The following FRMPD1 variants were observed in gnomAD, a reference collection of about 807,000 sequenced individuals.
The protein encoded by FRMPD1 is FERM and PDZ domain containing 1.
Under a neutral mutation model 117.8 loss-of-function variants are expected in FRMPD1, and 76 were observed. The ratio of observed to expected loss-of-function variants is 0.65; its 90% confidence interval spans 0.54 to 0.78. The LOEUF is 0.78. FRMPD1 is among the 30% of genes least tolerant of loss of function. The pLI is 0.00. For missense variants in FRMPD1, 1,786 were observed against 1,964.5 expected, an observed-to-expected ratio of 0.91 and a Z score of 1.72; for synonymous variants, 783 against 770.4, an observed-to-expected ratio of 1.02 and a Z score of -0.27.
At chr9:37,670,257 G>A (rs1413606220) in intron 1 of FRMPD1, among the ~76,000 whole-genome samples, 3 of 152,106 alleles carry the variant, frequency 2.0e-5, no homozygotes, top group Non-Finnish European at 2.9e-5. Flanking sequence ...TGGGGGAGAC[G>A]TATTCGAGTT....
chr9:37,637,978 TTCTTTC>T, the FRMPD1 span, among the ~76,000 whole-genome samples: 1 of 115,020 alleles, frequency 8.7e-6, no homozygotes, highest in Non-Finnish European at 1.8e-5. Context: ...CTTTCTTTCT[TTCTTTC>T]TTTCTTTCTT....
At chr9:37,614,665 G>A in the FRMPD1 span, among the ~76,000 whole-genome samples, 113 of 152,294 alleles carry the variant, frequency 7.4e-4, no homozygotes, top group Middle Eastern at 3.4e-3. Context: ...AGGCTTACAA[G>A]GCTAATGTAC....
chr9:37,744,730 A>G lies in FRMPD1; in HGVS notation c.2698A>G (p.Lys900Glu), dbSNP rs143033968. 15 of 1,613,900 alleles carry G rather than the reference A, an allele frequency of 9.3e-6. No homozygotes were observed. The highest frequency in any genetic ancestry group is 1.3e-5 in the Non-Finnish European group (15 of 1,179,986). Residue 900 changes from lysine to glutamate, a missense_variant, in exon 16 of 16, where the codon AAG (lysine) becomes GAG (glutamate). By Grantham distance (56) the Lys-to-Glu change is moderately conservative (BLOSUM62 1). Coordinates refer to ENST00000377765, the MANE Select transcript of FRMPD1 (RefSeq NM_014907.3). ...GGGTGAGCCTGGCCTTCTGGAGACC[A>G]AGGCCTTGGGGCTGCTGGCTCCTCT... ...MQGEPGLLET[K>E]ALGLLAPLRE...
chr9:37,655,657 C>T (rs997283335), intron 1 of FRMPD1, among the ~76,000 whole-genome samples: 5 of 151,980 alleles, frequency 3.3e-5, no homozygotes, highest in African/African-American at 9.7e-5. Context: ...GCACCTGCCA[C>T]CATGCCCGGC....
At chr9:37,727,769 G>T (rs1823677218) in intron 7 of FRMPD1, among the ~76,000 whole-genome samples, 1 of 151,408 alleles carries the variant, frequency 6.6e-6, no homozygotes, top group Admixed American at 6.6e-5. Flanking sequence ...GGGAGGAAAT[G>T]GACCCTTCAG....
intron 1 of FRMPD1, among the ~76,000 whole-genome samples, chr9:37,681,326 C>T (rs1384928151): frequency 6.6e-6 from 1 of 152,146 alleles, no homozygotes; most frequent in African/African-American, 2.4e-5. Context: ...ATATCAGGGC[C>T]TGTGTTACTG....
intron 1 of FRMPD1, among the ~76,000 whole-genome samples, chr9:37,660,046 G>T (rs1820955527): frequency 6.6e-6 from 1 of 151,832 alleles, no homozygotes; most frequent in African/African-American, 2.4e-5. Context: ...AGCAGCTCCA[G>T]ACTCTCCACT....
chr9:37,680,553 G>A (rs74665847), intron 1 of FRMPD1, among the ~76,000 whole-genome samples: 25 of 152,274 alleles, frequency 1.6e-4, no homozygotes, highest in African/African-American at 5.3e-4. Flanking sequence ...CAAAAGTCAG[G>A]AGGGCAGTTT....
the FRMPD1 span, among the ~76,000 whole-genome samples, chr9:37,625,769 G>C: frequency 1.3e-5 from 2 of 152,260 alleles, no homozygotes; most frequent in South Asian, 4.1e-4. Flanking sequence ...ATTTCAGGGG[G>C]TGGAGTGGTG....
chr9:37,657,230 A>G (rs1820869797), intron 1 of FRMPD1, among the ~76,000 whole-genome samples: 1 of 152,184 alleles, frequency 6.6e-6, no homozygotes, highest in South Asian at 2.1e-4. Context: ...AGCTTGTATT[A>G]AAACCAACGA....
At chr9:37,674,594 A>G (rs925185402) in intron 1 of FRMPD1, among the ~76,000 whole-genome samples, 2 of 152,188 alleles carry the variant, frequency 1.3e-5, no homozygotes, top group African/African-American at 2.4e-5. Flanking sequence ...GCTGATAAAG[A>G]CATACCTGAG....
intron 1 of FRMPD1, among the ~76,000 whole-genome samples, chr9:37,654,979 C>T (rs1038633295): frequency 1.1e-4 from 16 of 152,244 alleles, no homozygotes; most frequent in Admixed American, 6.5e-4. Context: ...ATCTCTTTCC[C>T]TCCCTCCTTC....
At chr9:37,681,063 A>C (rs1004580900) in intron 1 of FRMPD1, among the ~76,000 whole-genome samples, 11 of 151,862 alleles carry the variant, frequency 7.2e-5, no homozygotes, top group Non-Finnish European at 1.5e-4. Context: ...ATATAAGAAA[A>C]CTAGCCAGGC....
the FRMPD1 span, among the ~76,000 whole-genome samples, chr9:37,638,010 T>TC: frequency 7.6e-4 from 95 of 124,310 alleles, 2 homozygotes; most frequent in African/African-American, 2.6e-3. Flanking sequence ...CTTTCTTTCT[T>TC]TCTTTCTTTC....
At chr9:37,732,592 C>A in intron 10 of FRMPD1, 152 bp downstream of exon 10, 1 of 737,306 alleles carries the variant, frequency 1.4e-6, no homozygotes, top group Non-Finnish European at 2.1e-6. Context: ...TCTAATCTGA[C>A]CTGGCTCCCC....
the FRMPD1 span, among the ~76,000 whole-genome samples, chr9:37,623,633 C>A: frequency 1.3e-5 from 2 of 152,176 alleles, no homozygotes; most frequent in East Asian, 3.9e-4. Flanking sequence ...GCATGCTGGG[C>A]CAAGGAGTTT....
intron 1 of FRMPD1, among the ~76,000 whole-genome samples, chr9:37,679,339 T>C (rs551022390): frequency 3.9e-5 from 6 of 152,238 alleles, no homozygotes; most frequent in Non-Finnish European, 8.8e-5. Flanking sequence ...TCTCCTTTTA[T>C]GGCATTTGTT....
Position 37,733,751 on chromosome 9 carries a change from C to T in FRMPD1, c.1144C>T (p.Leu382=). 1 of 1,606,606 alleles carries T rather than the reference C, an allele frequency of 6.2e-7. No homozygotes were observed. The highest frequency in any genetic ancestry group is 8.5e-7 in the Non-Finnish European group (1 of 1,173,164). ...RQKQLISAAQ[L]RLNYLQILGE... ...TAAGCAACTTATTTCTGCTGCCCAG[C>T]TACGTTTAAATTATCTACAGATCCT... Residue 382 remains leucine (L), a synonymous_variant, in exon 12 of 16, where the codon CTA becomes TTA. Transcript: ENST00000377765.
the FRMPD1 span, chr9:37,637,308 C>T: frequency 4.3e-5 from 55 of 1,271,640 alleles, no homozygotes; most frequent in African/African-American, 7.1e-4. Context: ...GCGGCGGAAG[C>T]CCGCTCAGTC....
Sources: gnomAD v4.1 joint callset for allele counts (sites outside exome capture counted in the v4.1 genomes callset) on GRCh38, gnomAD v4.1.1 for gene constraint, MANE v1.5 for transcripts, NCBI Gene and HGNC (gene_info 2026-07-23, HGNC 2026-07-21) for gene names.